Variants in PAFAH2 observed in about 807,000 individuals in gnomAD.
PAFAH2 encodes platelet activating factor acetylhydrolase 2.
PAFAH2 carries 42 observed loss-of-function variants against 49.0 expected under a neutral mutation model. The observed-to-expected ratio is 0.86, with a 90% CI of 0.67 to 1.11. The LOEUF (loss-of-function observed/expected upper bound fraction) is 1.11. Ranked by LOEUF, PAFAH2 falls within the 50% of genes least tolerant of loss-of-function variation. The pLI is 0.00. For missense variants in PAFAH2, 503 were observed against 501.8 expected (o/e 1.00, Z -0.02); for synonymous variants, 184 against 181.3 (o/e 1.01, Z -0.12).
intron 10 of PAFAH2, among the ~76,000 whole-genome samples, chr1:25,966,760 CT>C (rs757497066): frequency 4.0e-5 from 6 of 151,836 alleles, no homozygotes; most frequent in Admixed American, 2.6e-4. Flanking sequence ...CTTGTACCCC[CT>C]ACATCTATAC....
intron 10 of PAFAH2, 121 bp from the exon 11 acceptor site, chr1:25,962,204 G>T (rs2049349075): frequency 1.1e-5 from 8 of 702,948 alleles, no homozygotes; most frequent in Non-Finnish European, 1.7e-5. Context: ...AAAAGGACTG[G>T]TTTTGGTGGG....
intron 2 of PAFAH2, among the ~76,000 whole-genome samples, chr1:25,989,822 T>C (rs1271926216): frequency 6.6e-6 from 1 of 152,232 alleles, no homozygotes; most frequent in African/African-American, 2.4e-5. Flanking sequence ...AATAGCCAAC[T>C]GTATTTTGAA....
chr1:25,992,362 T>C (rs149551633), intron 1 of PAFAH2, among the ~76,000 whole-genome samples: 1 of 152,100 alleles, frequency 6.6e-6, no homozygotes, highest in Non-Finnish European at 1.5e-5. Context: ...TAGGGAAAAG[T>C]ATGATGTGGG....
chr1:25,972,643 G>A lies in PAFAH2; in HGVS notation c.999C>T (p.Ser333=). 1 of 1,613,904 alleles carries A rather than the reference G, an allele frequency of 6.2e-7. No individual in the cohort carries two copies. The highest frequency in any genetic ancestry group is 8.5e-7 in the Non-Finnish European group (1 of 1,179,856). ...GGTCCAGGCTCCCACGGGTTTCAGT[G>A]GAGAAGAATTTACCAATCAAGTTGC... is the stretch of plus-strand genomic sequence containing the variant. ...VTGNLIGKFF[S]TETRGSLDPY... Residue 333 remains serine, a synonymous_variant, in exon 10 of 11, where the codon TCC becomes TCT. Transcript: ENST00000374282.
chr1:25,982,719 A>G (rs1268364158), intron 6 of PAFAH2, among the ~76,000 whole-genome samples: 2 of 152,220 alleles, frequency 1.3e-5, no homozygotes, highest in African/African-American at 4.8e-5. Flanking sequence ...CAGGGCTGTC[A>G]GAAGGATCCA....
rs1279957511 is a variant in PAFAH2 at position 25,990,808 on chromosome 1, G to T, written c.9C>A (p.Val3=). The change falls in exon 2 of 11, where the codon GTC becomes GTA. Residue 3 remains valine (V), a synonymous_variant. Coordinates refer to ENST00000374282, the MANE Select transcript of PAFAH2 (RefSeq NM_000437.4). MG[V]NQSVGFPPVT... ...CAGGTGGAAAGCCCACAGACTGGTTGACCCCCATTTCATCACCGGGTGAAT... is the reference window on the plus strand; with the variant it reads ...CAGGTGGAAAGCCCACAGACTGGTTTACCCCCATTTCATCACCGGGTGAAT... The T allele has an allele frequency of 6.2e-7, 1 of 1,613,910 alleles. No homozygotes were observed. The highest frequency in any genetic ancestry group is 8.5e-7 in the Non-Finnish European group (1 of 1,179,840).
chr1:25,987,270 A>G (rs1299941726), intron 4 of PAFAH2, among the ~76,000 whole-genome samples: 1 of 150,678 alleles, frequency 6.6e-6, no homozygotes, highest in Admixed American at 6.6e-5. Flanking sequence ...AATAAAATAA[A>G]ATAAAATAAA....
chr1:25,989,717 CTG>C, intron 2 of PAFAH2, 116 bp from the exon 3 acceptor site: 1 of 782,360 alleles, frequency 1.3e-6, no homozygotes, highest in Non-Finnish European at 1.8e-6. Flanking sequence ...AACAGGGAAA[CTG>C]AAGTTTCAAT....
chr1:25,980,952 T>C (rs2049678503), intron 7 of PAFAH2, among the ~76,000 whole-genome samples: 1 of 151,882 alleles, frequency 6.6e-6, no homozygotes, highest in African/African-American at 2.4e-5. Flanking sequence ...CACATCACTG[T>C]ACCTCAGCCT....
At chr1:25,974,428 G>C in intron 9 of PAFAH2, 52 bp downstream of exon 9, 1 of 1,466,740 alleles carries the variant, frequency 6.8e-7, no homozygotes, top group Non-Finnish European at 9.1e-7. Context: ...GGGCACCACA[G>C]CAAGTGGCAA....
Position 25,972,451 on chromosome 1 carries a change from G to T in PAFAH2, c.1084+107C>A. On this transcript the variant is annotated intron_variant, in intron 10 of 10. Transcript: ENST00000374282. ...TCTCCTTCACTCAGGTTTTCCATTTGCCATAAATCTCCTTCCCAGATCCCA... is the reference window on the plus strand; with the variant it reads ...TCTCCTTCACTCAGGTTTTCCATTTTCCATAAATCTCCTTCCCAGATCCCA... 4 of 1,268,844 alleles carry T rather than the reference G, an allele frequency of 3.2e-6. 1 individual carries two copies. The South Asian group carries it at 4.4e-5, about 14-fold the overall frequency. 78.6% of individuals were successfully genotyped at this position (1,268,844 alleles called of 1,614,324 possible).
chr1:25,989,567 T>G lies in PAFAH2; in HGVS notation c.125A>C (p.Lys42Thr). ...SFFRLFYPCQ[K>T]AEETMEQPLW... ...GGGCTGCTCCATGGTCTCCTCTGCCTTTTGGCAGGGGTAGAAGAGTCGAAA... is the reference window on the plus strand; with the variant it reads ...GGGCTGCTCCATGGTCTCCTCTGCCGTTTGGCAGGGGTAGAAGAGTCGAAA... Residue 42 changes from lysine to threonine, a missense_variant, in exon 3 of 11, where the codon AAG becomes ACG. By Grantham distance (78) the Lys-to-Thr change is moderately conservative. Coordinates refer to ENST00000374282, the MANE Select transcript of PAFAH2 (RefSeq NM_000437.4). The G allele has an allele frequency of 6.2e-7, 1 of 1,609,252 alleles. No homozygotes were observed. Among genetic ancestry groups the G allele is most frequent in the South Asian group, 1.1e-5 (1 of 90,214 alleles).
Position 25,960,606 on chromosome 1 carries a change from G to T in PAFAH2, c.*1383C>A, listed in dbSNP as rs1251699726. 1 of 152,468 alleles carries T rather than the reference G, an allele frequency of 6.6e-6. No individual in the cohort carries two copies. The highest frequency in any genetic ancestry group is 2.4e-5 in the African/African-American group (1 of 41,380). The allele number at this position is 152,468 out of a possible 1,614,324, so 9.4% of individuals were successfully genotyped here. A position where few individuals can be genotyped will look rare whatever the true frequency, so the allele number is the denominator to read the frequency against. On this transcript the variant is annotated 3_prime_UTR_variant, in exon 11 of 11. Transcript: ENST00000374282. ...TATCATTCATATTATAAACAGAACA[G>T]AATGGAAATTCAGTCTGTATCTGAC...
chr1:25,974,790 C>T (rs1027751525), intron 8 of PAFAH2, 140 bp from the exon 9 acceptor site: 3 of 653,580 alleles, frequency 4.6e-6, no homozygotes, highest in South Asian at 4.2e-5. Context: ...GGGCCCACGG[C>T]CTTCAGTCAG....
chr1:25,976,754 C>A lies in PAFAH2; in HGVS notation c.686G>T (p.Arg229Leu). ...AAATGAATGTCCCATCACAGCCACA[C>A]GGCTCATGTCAATGTTGCCCTGAGG... Reference protein sequence around the residue: ...MTLKGNIDMSRVAVMGHSFGG... With the variant: ...MTLKGNIDMSLVAVMGHSFGG... The change falls in exon 8 of 11, where the codon CGT becomes CTT. Residue 229 changes from arginine to leucine, a missense_variant. By Grantham distance (102) the Arg-to-Leu change is moderately radical (BLOSUM62 -2). Coordinates refer to ENST00000374282, the MANE Select transcript of PAFAH2 (RefSeq NM_000437.4). The A allele has an allele frequency of 1.2e-6, 2 of 1,614,120 alleles. No individual in the cohort carries two copies. The highest frequency in any genetic ancestry group is 1.3e-5 in the African/African-American group (1 of 75,064).
intron 10 of PAFAH2, among the ~76,000 whole-genome samples, chr1:25,967,892 A>G (rs1211176472): frequency 6.6e-6 from 1 of 152,118 alleles, no homozygotes; most frequent in African/African-American, 2.4e-5. Flanking sequence ...GGGGCTGGGC[A>G]TGGTAGCTCA....
chr1:25,984,598 A>C, intron 4 of PAFAH2, 70 bp from the exon 5 acceptor site: 1 of 1,204,544 alleles, frequency 8.3e-7, no homozygotes, highest in Non-Finnish European at 1.2e-6. Flanking sequence ...CATTCCAACA[A>C]TGCTCTGCTA....
intron 4 of PAFAH2, among the ~76,000 whole-genome samples, chr1:25,985,585 T>C (rs1245831127): frequency 6.6e-6 from 1 of 152,214 alleles, no homozygotes; most frequent in African/African-American, 2.4e-5. Context: ...TCTCCATAAA[T>C]ACCTGTTGGC....
intron 4 of PAFAH2, 115 bp from the exon 5 acceptor site, chr1:25,984,643 A>G (rs1355613101): frequency 1.3e-6 from 1 of 750,552 alleles, no homozygotes; most frequent in East Asian, 2.6e-5. Flanking sequence ...ATCAACCTTA[A>G]CTGTCTACCT....
Sources: allele counts gnomAD v4.1 joint callset (sites outside exome capture counted in the v4.1 genomes callset), GRCh38; gene constraint gnomAD v4.1.1; transcripts MANE v1.5; gene names NCBI Gene and HGNC (gene_info 2026-07-23, HGNC 2026-07-21).